SLAIN2: variants seen among roughly 807,000 people sequenced by gnomAD.
SLAIN2 encodes SLAIN family member 2, also known as SLAIN motif-containing protein 2.
In SLAIN2, 31 loss-of-function variants were observed where a neutral mutation model predicts 56.6. The ratio of observed to expected loss-of-function variants is 0.55; its 90% CI spans 0.41 to 0.74. The LOEUF (loss-of-function observed/expected upper bound fraction) is 0.74. Ranked by LOEUF, SLAIN2 falls within the 30% of genes least tolerant of loss-of-function variation. The pLI is 0.00. For missense variants in SLAIN2, 777 were observed against 754.2 expected (o/e 1.03, Z -0.35); for synonymous variants, 317 against 284.9 (o/e 1.11, Z -1.13).
intron 6 of SLAIN2, among the ~76,000 whole-genome samples, chr4:48,388,691 C>T (rs1469569731): frequency 1.3e-5 from 2 of 152,196 alleles, no homozygotes; most frequent in African/African-American, 2.4e-5. Context: ...TCCTCTTCCT[C>T]ATTGTTTGGA....
chr4:48,418,013 T>C (rs1179125060), intron 6 of SLAIN2, among the ~76,000 whole-genome samples: 1 of 151,786 alleles, frequency 6.6e-6, no homozygotes, highest in Non-Finnish European at 1.5e-5. Context: ...GTAGATTCAT[T>C]GGGATTTTCT....
intron 6 of SLAIN2, among the ~76,000 whole-genome samples, chr4:48,419,472 C>A (rs1283453950): frequency 6.6e-6 from 1 of 152,166 alleles, no homozygotes; most frequent in Admixed American, 6.5e-5. Flanking sequence ...ATCATCTCGG[C>A]TCACTGCAGC....
At chr4:48,377,786 T>G (rs2109759216) in intron 2 of SLAIN2, 110 bp from the exon 3 acceptor site, 1 of 1,045,828 alleles carries the variant, frequency 9.6e-7, no homozygotes, top group African/African-American at 1.6e-5. Context: ...AGAATATTTC[T>G]TCATTTAAAT....
chr4:48,421,975 T>C, intron 7 of SLAIN2, 36 bp from the exon 8 acceptor site: 1 of 1,475,466 alleles, frequency 6.8e-7, no homozygotes. Context: ...ATAAAGACAT[T>C]TATCAAATTT....
At position 48,341,636 on chromosome 4, in the gene SLAIN2, G is replaced by A; in HGVS notation, c.-104G>A. ...GGGCCTGGTCCTGCTATATGCCGGC[G>A]CCTCGGCTAGAGTGAGCGGCGGCGA... On this transcript the variant is annotated 5_prime_UTR_variant, in exon 1 of 8. Coordinates refer to ENST00000264313, the MANE Select transcript of SLAIN2 (RefSeq NM_020846.2). The A allele has an allele frequency of 6.9e-7, 1 of 1,440,990 alleles. No homozygotes were observed. Among genetic ancestry groups the A allele is most frequent in the Non-Finnish European group, 9.1e-7 (1 of 1,096,576 alleles). 89.3% of individuals were successfully genotyped at this position (1,440,990 alleles called of 1,614,324 possible).
intron 6 of SLAIN2, among the ~76,000 whole-genome samples, chr4:48,405,359 CCTTTTTGATATGT>C: frequency 6.6e-6 from 1 of 152,102 alleles, no homozygotes; most frequent in Admixed American, 6.5e-5. Flanking sequence ...ACTAGTTTTG[CCTTTTTGATATGT>C]CTTTTTAAGT....
In SLAIN2 at chr4:48,362,733, TTTTTTTTTTTTTTATTC is replaced by T. The variant is rs1436990478; in HGVS notation, c.390-7102_390-7086del. 1.2e-3 allele frequency among the ~76,000 whole-genome samples: 6 copies of T among 4,880 alleles called. No individual in the cohort carries two copies. The East Asian group carries it at 0.28, about 226-fold the overall frequency. 3.2% of individuals were successfully genotyped at this position (4,880 alleles called of 152,430 possible). Reference sequence around the variant, plus strand: ...CATGCCAGGCTGGTTTTTAAATTTCTTTTTTTTTTTTTTATTCTTTTTTTTTTTTTTTTAAATTTATT... The same window carrying T: ...CATGCCAGGCTGGTTTTTAAATTTCTTTTTTTTTTTTTTTTTAAATTTATT... On this transcript the variant is annotated intron_variant, in intron 1 of 7. Coordinates refer to ENST00000264313, the MANE Select transcript of SLAIN2 (RefSeq NM_020846.2).
At chr4:48,412,672 T>C (rs1716893695) in intron 6 of SLAIN2, among the ~76,000 whole-genome samples, 1 of 152,218 alleles carries the variant, frequency 6.6e-6, no homozygotes, top group East Asian at 1.9e-4. Context: ...GAAAAGGTAT[T>C]GAAGCCCTAT....
intron 2 of SLAIN2, among the ~76,000 whole-genome samples, chr4:48,373,762 C>T (rs114195452): frequency 0.015 from 2,322 of 152,126 alleles, 42 homozygotes; most frequent in African/African-American, 0.052. Flanking sequence ...GAGATGTGGC[C>T]GGGCGCAGTG....
chr4:48,371,837 G>A (rs569912290), intron 2 of SLAIN2, among the ~76,000 whole-genome samples: 5 of 151,940 alleles, frequency 3.3e-5, no homozygotes, highest in African/African-American at 1.2e-4. Context: ...CCAGCTAGTC[G>A]GGAGACTGGG....
At chr4:48,410,557 G>T (rs1344980922) in intron 6 of SLAIN2, among the ~76,000 whole-genome samples, 3 of 152,164 alleles carry the variant, frequency 2.0e-5, no homozygotes, top group Non-Finnish European at 4.4e-5. Flanking sequence ...GCTCTTGCCA[G>T]ACACGAATCC....
intron 6 of SLAIN2, among the ~76,000 whole-genome samples, chr4:48,403,646 C>T (rs767737079): frequency 3.9e-5 from 6 of 152,190 alleles, no homozygotes; most frequent in South Asian, 2.1e-4. Context: ...CCTGCTACCA[C>T]TGGCTGGCTG....
rs185970320 is a variant in SLAIN2, at chr4:48,367,917, A to G, written c.390-1932A>G. Among the ~76,000 whole-genome samples, 250 of 152,118 alleles carry G rather than the reference A, an allele frequency of 1.6e-3. 2 individuals carry two copies. The highest frequency in any genetic ancestry group is 5.4e-3 in the African/African-American group (222 of 41,488). On this transcript the variant is annotated intron_variant, in intron 1 of 7. Coordinates refer to ENST00000264313, the MANE Select transcript of SLAIN2 (RefSeq NM_020846.2). ...AACATCTATATCACCCTAAAAAGAA[A>G]CCTCATTCCCATTCCTACCTCCAGC...
At chr4:48,409,969 TTAGTG>T (rs1367687494) in intron 6 of SLAIN2, among the ~76,000 whole-genome samples, 1 of 152,212 alleles carries the variant, frequency 6.6e-6, no homozygotes, top group Non-Finnish European at 1.5e-5. Context: ...GATTATATGC[TTAGTG>T]TAATTACTGG....
chr4:48,419,432 G>A (rs1026549986), intron 6 of SLAIN2, among the ~76,000 whole-genome samples: 5 of 152,086 alleles, frequency 3.3e-5, no homozygotes, highest in African/African-American at 1.2e-4. Context: ...GCAGAGTCTT[G>A]CTCTGTCACC....
intron 2 of SLAIN2, among the ~76,000 whole-genome samples, chr4:48,375,952 A>G (rs1424752272): frequency 6.6e-6 from 1 of 152,210 alleles, no homozygotes; most frequent in African/African-American, 2.4e-5. Flanking sequence ...GTTGTAATGA[A>G]TTACTCCTAA....
intron 1 of SLAIN2, among the ~76,000 whole-genome samples, chr4:48,357,990 C>T (rs187914552): frequency 2.6e-5 from 4 of 152,346 alleles, no homozygotes; most frequent in Admixed American, 2.0e-4. Flanking sequence ...TGAGCCACCA[C>T]GCCTGGCCCT....
intron 1 of SLAIN2, among the ~76,000 whole-genome samples, chr4:48,366,206 A>G (rs532883028): frequency 6.6e-6 from 1 of 152,368 alleles, no homozygotes; most frequent in East Asian, 1.9e-4. Flanking sequence ...TTAAAAATTC[A>G]GTAAGACTTG....
At chr4:48,421,928 TA>T in intron 7 of SLAIN2, 82 bp from the exon 8 acceptor site, 1 of 1,127,972 alleles carries the variant, frequency 8.9e-7, no homozygotes, top group South Asian at 1.3e-5. Context: ...ACCTGAAGAG[TA>T]ATTAATATAT....
Sources: allele counts gnomAD v4.1 joint callset (sites outside exome capture counted in the v4.1 genomes callset), GRCh38; gene constraint gnomAD v4.1.1; transcripts MANE v1.5; gene names NCBI Gene and HGNC (gene_info 2026-07-23, HGNC 2026-07-21).